The following SEZ6 variants were observed in gnomAD, a reference collection of about 807,000 sequenced individuals.
SEZ6 encodes the protein seizure related 6 homolog.
SEZ6 carries 53 observed loss-of-function variants against 101.0 expected under a neutral mutation model. The observed-to-expected ratio is 0.52, with a 90% CI of 0.42 to 0.66. The LOEUF is 0.66. Ranked by LOEUF, SEZ6 falls within the 30% of genes least tolerant of loss-of-function variation. The pLI, the probability that SEZ6 is intolerant of heterozygous loss-of-function variation, is 0.00. For missense variants in SEZ6, 1,102 were observed against 1,289.4 expected (o/e 0.85, Z 2.23); for synonymous variants, 488 against 512.2 (o/e 0.95, Z 0.64).
chr17:28,955,806 G>A lies in SEZ6; in HGVS notation c.*156C>T, dbSNP rs1348716030. 26 of 870,052 alleles carry A rather than the reference G, an allele frequency of 3.0e-5. No homozygotes were observed. Among genetic ancestry groups the A allele is most frequent in the Admixed American group, 8.0e-5 (4 of 50,080 alleles). The allele number at this position is 870,052 out of a possible 1,614,324, so 53.9% of individuals were successfully genotyped here. The stretch of plus-strand genomic sequence containing the variant: ...ATAGGCCATGGTGGGCATCGCAGGC[G>A]GGGAAGGGCACAACTTCTTGAGGGC... On this transcript the variant is annotated 3_prime_UTR_variant, in exon 17 of 17. Transcript: ENST00000317338.
Position 28,981,989 on chromosome 17 carries a change from C to A in SEZ6, c.106G>T (p.Glu36Ter). 6.2e-7 allele frequency: 1 copy of A among 1,612,258 alleles called. No homozygotes were observed. Among genetic ancestry groups the A allele is most frequent in the Non-Finnish European group, 8.5e-7 (1 of 1,179,256 alleles). The change falls in exon 2 of 17, where the codon GAG becomes TAG. Residue 36 changes from glutamate (E) to a stop codon, truncating the protein, a stop_gained. Transcript: ENST00000317338. LOFTEE classifies it high-confidence loss of function. The part of the protein sequence containing the change: ...TVGKGQAPGI[E>*]ETDGELTAAP... ...GCTGTCAGCTCGCCATCTGTCTCCT[C>A]GATGCCTGGGGCTTGTCCTTTCCCC... is the stretch of plus-strand genomic sequence containing the variant.
At chr17:28,963,127 GAA>G (rs61378133) in intron 5 of SEZ6, among the ~76,000 whole-genome samples, 1,637 of 110,248 alleles carry the variant, frequency 0.015, 30 homozygotes, top group African/African-American at 0.044. Context: ...CCGTCTCGAA[GAA>G]AAAAAAAAAA....
intron 1 of SEZ6, 113 bp from the exon 2 acceptor site, chr17:28,982,152 G>C (rs184713236): frequency 1.4e-6 from 2 of 1,428,498 alleles, no homozygotes; most frequent in African/African-American, 2.9e-5. Context: ...CCTGAGGAGC[G>C]TGCTCACTGC....
At chr17:28,996,961 G>A (rs144137935) in intron 1 of SEZ6, among the ~76,000 whole-genome samples, 1 of 152,090 alleles carries the variant, frequency 6.6e-6, no homozygotes, top group Non-Finnish European at 1.5e-5. Context: ...AAGGACCAAG[G>A]GTCACCGGAG....
chr17:28,981,716 C>A lies in SEZ6; in HGVS notation c.379G>T (p.Ala127Ser), dbSNP rs1396155498. Residue 127 changes from alanine (A) to serine (S), a missense_variant, in exon 2 of 17, where the codon GCT becomes TCT. By Grantham distance (99) the Ala-to-Ser change is moderately conservative. Around this residue, in one of 3 missense-constraint regions of SEZ6, gnomAD observed 406 missense variants for 418.6 expected, o/e 0.97. Transcript: ENST00000317338. The part of the protein sequence containing the change: ...PVFTSPTPAM[A>S]AVPTQPQSKE... ...GACTGGGGCTGAGTGGGTACCGCAG[C>A]CATGGCTGGAGTGGGGCTGGTAAAG... 5.6e-6 allele frequency: 9 copies of A among 1,596,676 alleles called. No individual in the cohort carries two copies. The South Asian group carries it at 1.0e-4, about 18-fold the overall frequency.
chr17:28,970,027 A>T, intron 3 of SEZ6, 75 bp from the exon 4 acceptor site: 6 of 1,375,852 alleles, frequency 4.4e-6, no homozygotes, highest in Non-Finnish European at 5.8e-6. Flanking sequence ...CGCCCTCAGG[A>T]TCCTGCAGGC....
Position 28,959,379 on chromosome 17 carries a change from C to A in SEZ6, c.1865G>T (p.Gly622Val). Residue 622 changes from glycine to valine, a missense_variant, in exon 9 of 17, where the codon GGT becomes GTT. Gly to Val is a moderately radical substitution (Grantham distance 109, BLOSUM62 -3). This residue lies in a region of SEZ6 where 556 missense variants were observed against 735.1 expected (regional missense o/e 0.76). Transcript: ENST00000317338. This position sits in a 1 kb window ranked among gnomAD's most constrained non-coding sequence, Gnocchi z 4.4. ...GCGCTTGTCCTCTTCCACATGCACA[C>A]CCCAGATACAATCCTGCCCACGACC... ...PYGRGQDCIWGVHVEEDKRIM... is the reference protein window; with the variant it reads ...PYGRGQDCIWVVHVEEDKRIM... The A allele has an allele frequency of 6.2e-7, 1 of 1,613,934 alleles. No individual in the cohort carries two copies. The highest frequency in any genetic ancestry group is 1.1e-5 in the South Asian group (1 of 91,086).
Position 28,956,439 on chromosome 17 carries a change from G to A in SEZ6, c.2760C>T (p.Thr920=), listed in dbSNP as rs1204426998. 3 of 1,559,928 alleles carry A rather than the reference G, an allele frequency of 1.9e-6. No individual in the cohort carries two copies. The highest frequency in any genetic ancestry group is 2.7e-5 in the African/African-American group (2 of 73,484). ...DVAKAPAASS[T]LDAAHIAAAI... ...CAGCTGCAATGTGGGCAGCATCCAG[G>A]GTGCTGGAGGCAGCAGGTGCCTTGG... Residue 920 remains threonine (T), a synonymous_variant, in exon 15 of 17, where the codon ACC becomes ACT. Transcript: ENST00000317338.
chr17:28,969,659 C>T (rs1437323250), intron 4 of SEZ6, 98 bp downstream of exon 4: 27 of 1,166,180 alleles, frequency 2.3e-5, no homozygotes, highest in Non-Finnish European at 3.1e-5. Context: ...CCCCTCTCTG[C>T]TCCTTCCCTC....
At chr17:28,980,977 C>A (rs1206691335) in intron 2 of SEZ6, among the ~76,000 whole-genome samples, 1 of 152,070 alleles carries the variant, frequency 6.6e-6, no homozygotes, top group Non-Finnish European at 1.5e-5. Flanking sequence ...CTCACTGCAA[C>A]CTCTGCCTCC....
At chr17:28,973,213 CA>C (rs2041177998) in intron 3 of SEZ6, among the ~76,000 whole-genome samples, 1 of 152,166 alleles carries the variant, frequency 6.6e-6, no homozygotes, top group Non-Finnish European at 1.5e-5. Flanking sequence ...AAGGAACTTG[CA>C]AAAGGTCACA....
At position 28,964,080 on chromosome 17, in the gene SEZ6, G is replaced by A. The variant is rs949191410; in HGVS notation, c.1122C>T (p.His374=). The A allele has an allele frequency of 1.2e-6, 2 of 1,606,806 alleles. No homozygotes were observed. The highest frequency in any genetic ancestry group is 1.7e-6 in the Non-Finnish European group (2 of 1,176,676). ...AYGDVTVTSL[H]PGGSARFHCA... is the part of the protein sequence containing the mutation. ...AATGGAAGCGGGCACTACCCCCTGG[G>A]TGGAGGCTGGTGACAGTCACATCTC... Residue 374 remains histidine (H), a synonymous_variant, in exon 5 of 17, where the codon CAC becomes CAT. Transcript: ENST00000317338.
chr17:28,961,413 G>A (rs767180616), intron 5 of SEZ6, among the ~76,000 whole-genome samples: 4 of 152,110 alleles, frequency 2.6e-5, no homozygotes, highest in Admixed American at 1.3e-4. Context: ...AGTTGTTTGG[G>A]TATGTCCCTT....
Position 28,958,140 on chromosome 17 carries a change from CTCTGGGGGCACA to C in SEZ6, c.2108-11_2108del. 6.3e-7 allele frequency: 1 copy of C among 1,587,920 alleles called. No individual in the cohort carries two copies. Among genetic ancestry groups the C allele is most frequent in the East Asian group, 2.3e-5 (1 of 44,200 alleles). ...CCGGACATGTGTCATTGCGGGGCAC[CTCTGGGGGCACA>C]GAGGCACAAGATGCAGGCCCTCGGC... On this transcript the variant is annotated splice_acceptor_variant and splice_polypyrimidine_tract_variant and coding_sequence_variant and intron_variant, in exon 11 of 17. Coordinates refer to ENST00000317338, the MANE Select transcript of SEZ6 (RefSeq NM_178860.5). LOFTEE classifies it high-confidence loss of function.
intron 5 of SEZ6, among the ~76,000 whole-genome samples, chr17:28,962,214 G>A (rs1005436520): frequency 2.0e-5 from 3 of 152,142 alleles, no homozygotes; most frequent in Non-Finnish European, 4.4e-5. Flanking sequence ...CTCTGCATAT[G>A]CAGTTCCAGG....
chr17:28,956,563 C>T (rs573179654), intron 14 of SEZ6, 96 bp from the exon 15 acceptor site: 1 of 1,458,996 alleles, frequency 6.9e-7, no homozygotes. Context: ...TACCAGCTCC[C>T]TCTAGCTGGC....
At chr17:29,006,082 C>A (rs1485785697), upstream of SEZ6, 1 of 335,688 alleles carries the variant, frequency 3.0e-6, no homozygotes, top group Non-Finnish European at 5.2e-6. Context: ...GGGCTGGGGG[C>A]GGGGGCGCGG....
intron 1 of SEZ6, among the ~76,000 whole-genome samples, chr17:29,001,866 C>G (rs79735465): frequency 9.2e-5 from 14 of 152,284 alleles, no homozygotes; most frequent in East Asian, 5.8e-4. Flanking sequence ...GGCCAGTAAG[C>G]TGGGGACCCA....
chr17:28,991,977 G>A (rs73986770), intron 1 of SEZ6, among the ~76,000 whole-genome samples: 3,675 of 152,256 alleles, frequency 0.024, 157 homozygotes, highest in African/African-American at 0.083. Context: ...CCAGGGGAAC[G>A]TTTGCTGCGC....
Sources: gnomAD v4.1 joint callset for allele counts (sites outside exome capture counted in the v4.1 genomes callset) on GRCh38, gnomAD v4.1.1 for gene constraint, gnomAD v4.1.1 regional missense constraint, Gnocchi (gnomAD v3.1) non-coding constraint, MANE v1.5 for transcripts, NCBI Gene and HGNC (gene_info 2026-07-23, HGNC 2026-07-21) for gene names.